The following KCNH8 variants were observed in gnomAD, a reference collection of about 807,000 sequenced individuals.
The protein encoded by KCNH8 is potassium voltage-gated channel subfamily H member 8.
Under a neutral mutation model 103.6 loss-of-function variants are expected in KCNH8, and 70 were observed. The ratio of observed to expected loss-of-function variants is 0.68; its 90% confidence interval spans 0.56 to 0.82. The LOEUF (loss-of-function observed/expected upper bound fraction) is 0.82, where lower values mean the gene tolerates loss of function less well. Among genes scored for constraint, KCNH8 ranks in the 40% least tolerant of loss-of-function variants. The probability of loss-of-function intolerance (pLI) is 0.00; values close to 1 mark genes in which losing one functional copy is unlikely to be tolerated. For missense variants in KCNH8, 1,217 were observed against 1,329.9 expected (o/e 0.92, Z 1.32); for synonymous variants, 498 against 489.4 (o/e 1.02, Z -0.23).
At chr3:19,445,695 A>G (rs368395019) in intron 8 of KCNH8, among the ~76,000 whole-genome samples, 1 of 151,990 alleles carries the variant, frequency 6.6e-6, no homozygotes, top group Non-Finnish European at 1.5e-5. Context: ...ACCCAAAAAA[A>G]TCATTTTAAA....
intron 11 of KCNH8, among the ~76,000 whole-genome samples, chr3:19,476,432 T>C (rs2067977844): frequency 6.6e-6 from 1 of 152,156 alleles, no homozygotes; most frequent in South Asian, 2.1e-4. Context: ...GTTTGAAACC[T>C]AAATACTCGG....
In KCNH8 at chr3:19,515,440, ATT is replaced by A; in HGVS notation, c.2542+14_2542+15del. 1 of 1,337,284 alleles carries A rather than the reference ATT, an allele frequency of 7.5e-7. No homozygotes were observed. Among genetic ancestry groups the A allele is most frequent in the Non-Finnish European group, 1.0e-6 (1 of 980,802 alleles). The allele number at this position is 1,337,284 out of a possible 1,614,324, so 82.8% of individuals were successfully genotyped here. A position where few individuals can be genotyped will look rare whatever the true frequency, so the allele number is the denominator to read the frequency against. On this transcript the variant is annotated intron_variant, in intron 14 of 15. Coordinates refer to ENST00000328405, the MANE Select transcript of KCNH8 (RefSeq NM_144633.3). ...TCCTCCTCTTGGAGGTAAGATCTATATTTAGTCTTCTCCTAAGGTAAAATATT... is the reference window on the plus strand; with the variant it reads ...TCCTCCTCTTGGAGGTAAGATCTATATAGTCTTCTCCTAAGGTAAAATATT...
intron 5 of KCNH8, among the ~76,000 whole-genome samples, chr3:19,375,477 C>A (rs1228245782): frequency 1.3e-5 from 2 of 150,838 alleles, no homozygotes; most frequent in Admixed American, 6.6e-5. Context: ...AAGCACTTCT[C>A]TGTATTGGTT....
chr3:19,221,251 AC>A (rs2063870878), intron 1 of KCNH8, among the ~76,000 whole-genome samples: 1 of 152,208 alleles, frequency 6.6e-6, no homozygotes, highest in African/African-American at 2.4e-5. Flanking sequence ...TACTTGAGAT[AC>A]CTGCTTCATG....
intron 5 of KCNH8, among the ~76,000 whole-genome samples, chr3:19,365,329 T>C (rs1333601500): frequency 6.6e-6 from 1 of 152,118 alleles, no homozygotes; most frequent in Non-Finnish European, 1.5e-5. Context: ...TGTGTGTTGT[T>C]TTCTCTACTT....
chr3:19,239,293 A>T (rs568373808), intron 1 of KCNH8, among the ~76,000 whole-genome samples: 6 of 152,318 alleles, frequency 3.9e-5, no homozygotes, highest in Admixed American at 6.5e-5. Flanking sequence ...CAAGGTCACA[A>T]GATAACTAGT....
chr3:19,188,947 G>GT (rs1410220370), intron 1 of KCNH8, among the ~76,000 whole-genome samples: 1 of 151,624 alleles, frequency 6.6e-6, no homozygotes, highest in Admixed American at 6.6e-5. Context: ...CAGCTCACAA[G>GT]TTTGTTTGTT....
chr3:19,194,742 A>G (rs917313552), intron 1 of KCNH8, among the ~76,000 whole-genome samples: 1 of 151,886 alleles, frequency 6.6e-6, no homozygotes, highest in African/African-American at 2.4e-5. Flanking sequence ...CAATATATTC[A>G]TGTAACAAAC....
chr3:19,161,580 T>C (rs892571709), intron 1 of KCNH8, among the ~76,000 whole-genome samples: 1 of 152,340 alleles, frequency 6.6e-6, no homozygotes, highest in East Asian at 1.9e-4. Context: ...TTGTATCTAA[T>C]TGAATTGAAG....
intron 1 of KCNH8, among the ~76,000 whole-genome samples, chr3:19,221,581 G>T (rs2063875004): frequency 6.6e-6 from 1 of 151,066 alleles, no homozygotes; most frequent in Non-Finnish European, 1.5e-5. Flanking sequence ...TTTTCTTACA[G>T]AATTTTTCCT....
In KCNH8 at chr3:19,441,093, C is replaced by T. The variant is rs191364928; in HGVS notation, c.1375+2732C>T. ...GTGCATGCTGTTCCCTCAGTGGAGG[C>T]GGGCACCTCAGCAGCAGCAGGTGGT... On this transcript the variant is annotated intron_variant, in intron 8 of 15. Transcript: ENST00000328405. Among the ~76,000 whole-genome samples, 390 of 152,186 alleles carry T rather than the reference C, an allele frequency of 2.6e-3. 3 individuals are homozygous for T. The highest frequency in any genetic ancestry group is 8.0e-3 in the African/African-American group (334 of 41,526).
At chr3:19,410,684 C>T (rs2066762583) in intron 7 of KCNH8, among the ~76,000 whole-genome samples, 1 of 151,804 alleles carries the variant, frequency 6.6e-6, no homozygotes, top group Non-Finnish European at 1.5e-5. Flanking sequence ...CAAATAAGTA[C>T]AATAAGAAAC....
At chr3:19,226,295 A>G (rs970832833) in intron 1 of KCNH8, among the ~76,000 whole-genome samples, 4 of 152,210 alleles carry the variant, frequency 2.6e-5, no homozygotes, top group African/African-American at 4.8e-5. Context: ...ATATGTTTGT[A>G]TGTGTATACA....
At chr3:19,369,528 G>C (rs2066058775) in intron 5 of KCNH8, among the ~76,000 whole-genome samples, 1 of 151,914 alleles carries the variant, frequency 6.6e-6, no homozygotes, top group Non-Finnish European at 1.5e-5. Context: ...TTTCAATGTT[G>C]GTGGCCCCCA....
chr3:19,217,077 A>G (rs1391920232), intron 1 of KCNH8, among the ~76,000 whole-genome samples: 1 of 152,194 alleles, frequency 6.6e-6, no homozygotes, highest in Non-Finnish European at 1.5e-5. Context: ...TATTGTAAAG[A>G]TTAAAGGAGG....
chr3:19,380,962 CTA>C (rs1453936841), intron 5 of KCNH8, among the ~76,000 whole-genome samples: 2 of 152,156 alleles, frequency 1.3e-5, no homozygotes, highest in Non-Finnish European at 2.9e-5. Context: ...AAGTGAGAAT[CTA>C]TTTTTCTCTT....
At chr3:19,489,415 T>G (rs76152633) in intron 11 of KCNH8, among the ~76,000 whole-genome samples, 1 of 152,060 alleles carries the variant, frequency 6.6e-6, no homozygotes, top group Non-Finnish European at 1.5e-5. Flanking sequence ...TAAAACTAAC[T>G]GTAACCAAGA....
chr3:19,352,119 A>G (rs538126926), intron 5 of KCNH8, among the ~76,000 whole-genome samples: 158 of 152,334 alleles, frequency 1.0e-3, no homozygotes, highest in African/African-American at 3.7e-3. Flanking sequence ...TTAAACCAAC[A>G]AAGATCAAAA....
intron 11 of KCNH8, among the ~76,000 whole-genome samples, chr3:19,490,408 G>A (rs2068293345): frequency 1.3e-5 from 2 of 152,318 alleles, no homozygotes; most frequent in African/African-American, 2.4e-5. Flanking sequence ...TGAGAGGGTC[G>A]GGATTGATTG....
Sources: gnomAD v4.1 joint callset for allele counts (sites outside exome capture counted in the v4.1 genomes callset) on GRCh38, gnomAD v4.1.1 for gene constraint, MANE v1.5 for transcripts, NCBI Gene and HGNC (gene_info 2026-07-23, HGNC 2026-07-21) for gene names.